Variants in TLN2 observed in about 807,000 individuals in gnomAD.
TLN2 encodes the protein talin-2.
A neutral mutation model predicts 294.7 loss-of-function variants in TLN2; 118 were observed. That is an observed-to-expected ratio of 0.40 (90% CI 0.34 to 0.47). The LOEUF (loss-of-function observed/expected upper bound fraction) is 0.47. TLN2 is among the 20% of genes least tolerant of loss of function. TLN2 has a pLI of 0.84. For missense variants in TLN2, 3,083 were observed against 3,282.2 expected (o/e 0.94, Z 1.48); for synonymous variants, 1,431 against 1,304.5 (o/e 1.10, Z -2.09).
At chr15:62,596,740 C>CAA (rs11345944) in intron 2 of TLN2, among the ~76,000 whole-genome samples, 8 of 135,204 alleles carry the variant, frequency 5.9e-5, no homozygotes, top group South Asian at 2.3e-4. Flanking sequence ...GACTCTGTCT[C>CAA]AAAAAAAAAA....
intron 53 of TLN2, 129 bp downstream of exon 53, chr15:62,819,750 G>T (rs1273918906): frequency 5.5e-6 from 4 of 728,390 alleles, no homozygotes; most frequent in Non-Finnish European, 8.8e-6. Context: ...AATACAGTGA[G>T]GACTTTCTGC....
At chr15:62,670,579 T>A (rs574789545) in intron 9 of TLN2, among the ~76,000 whole-genome samples, 185 of 152,350 alleles carry the variant, frequency 1.2e-3, no homozygotes, top group African/African-American at 4.1e-3. Flanking sequence ...AGTGAAATCA[T>A]ACAACTGTTC....
intron 45 of TLN2, among the ~76,000 whole-genome samples, chr15:62,791,184 TAA>T (rs11389635): frequency 6.9e-6 from 1 of 145,578 alleles, no homozygotes; most frequent in Non-Finnish European, 1.5e-5. Flanking sequence ...CCGTCTCTAC[TAA>T]AAAAAAAAAA....
At position 62,703,069 on chromosome 15, in the gene TLN2, C is replaced by T. The variant is rs115193424; in HGVS notation, c.2004+205C>T. Among the ~76,000 whole-genome samples, 1,455 of 151,094 alleles carry T rather than the reference C, an allele frequency of 9.6e-3. 25 individuals are homozygous for T. Among genetic ancestry groups the T allele is most frequent in the African/African-American group, 0.033 (1,366 of 41,138 alleles). On this transcript the variant is annotated intron_variant, in intron 19 of 58. Coordinates refer to ENST00000636159, the MANE Select transcript of TLN2 (RefSeq NM_015059.3). ...GAAAACTCATTTCACTGCCACCATG[C>T]GTCATCATTGTAAAGCACGTATTTA... is the stretch of plus-strand genomic sequence containing the variant.
At chr15:62,695,445 A>G (rs560303740) in intron 14 of TLN2, among the ~76,000 whole-genome samples, 1 of 152,178 alleles carries the variant, frequency 6.6e-6, no homozygotes, top group African/African-American at 2.4e-5. Flanking sequence ...GGCAGGATCT[A>G]TCTTTCCCAG....
rs562985719 is a variant in TLN2, at chr15:62,693,730, A to G, written c.1216-586A>G. Among the ~76,000 whole-genome samples, 6 of 152,298 alleles carry G rather than the reference A, an allele frequency of 3.9e-5. No homozygotes were observed. In the South Asian group the frequency reaches 1.2e-3, roughly 32 times the overall value. On this transcript the variant is annotated intron_variant, in intron 13 of 58. Transcript: ENST00000636159. Reference sequence around the variant, plus strand: ...GATTTAATAGAATGTTAATATGTGCATCTTGATTTTTTACTATGTAAAATT... The same window carrying G: ...GATTTAATAGAATGTTAATATGTGCGTCTTGATTTTTTACTATGTAAAATT...
At position 62,692,858 on chromosome 15, in the gene TLN2, G is replaced by A. The variant is rs770635709; in HGVS notation, c.1132G>A (p.Glu378Lys). Reference protein sequence around the residue: ...SFTLDFGEYQESYYSVQTTEG... With the variant: ...SFTLDFGEYQKSYYSVQTTEG... ...TTTTCAGGATTTTGGGGAGTATCAG[G>A]AAAGCTACTATTCAGTACAAACCAC... The change falls in exon 13 of 59, where the codon GAA becomes AAA. Residue 378 changes from glutamate to lysine, a missense_variant. Physicochemically the swap from Glu to Lys is moderately conservative, Grantham distance 56 (BLOSUM62 1). Transcript: ENST00000636159. 4 of 1,613,386 alleles carry A rather than the reference G, an allele frequency of 2.5e-6. No homozygotes were observed. The highest frequency in any genetic ancestry group is 3.4e-6 in the Non-Finnish European group (4 of 1,179,766).
chr15:62,670,681 T>C (rs1261960073), intron 9 of TLN2, among the ~76,000 whole-genome samples: 2 of 152,222 alleles, frequency 1.3e-5, no homozygotes, highest in East Asian at 3.8e-4. Context: ...TTCCATTGTA[T>C]GGAGAAACCA....
intron 26 of TLN2, 101 bp from the exon 27 acceptor site, chr15:62,724,875 A>G: frequency 1.4e-6 from 2 of 1,391,994 alleles, no homozygotes; most frequent in Non-Finnish European, 1.9e-6. Context: ...GATTTGGAGA[A>G]TCACTGGGTA....
At chr15:62,658,001 A>G (rs1463342627) in intron 9 of TLN2, 103 bp downstream of exon 9, 30 of 1,141,692 alleles carry the variant, frequency 2.6e-5, no homozygotes, top group East Asian at 1.3e-4. Flanking sequence ...CCTAATTTCA[A>G]TCATTTGTGA....
At chr15:62,408,260 G>C (rs978822054) in intron 1 of TLN2, among the ~76,000 whole-genome samples, 4 of 152,170 alleles carry the variant, frequency 2.6e-5, no homozygotes, top group Non-Finnish European at 4.4e-5. Context: ...TGATTATTAA[G>C]TATTTATTGT....
chr15:62,644,448 T>G (rs1596472470), intron 3 of TLN2: 2 of 455,300 alleles, frequency 4.4e-6, no homozygotes, highest in East Asian at 1.4e-4. Flanking sequence ...TCCCACCCAG[T>G]TCTCTCTCCA....
In TLN2 at chr15:62,698,774, G is replaced by C; in HGVS notation, c.1494G>C (p.Leu498=). 6.2e-7 allele frequency: 1 copy of C among 1,611,334 alleles called. No individual in the cohort carries two copies. The highest frequency in any genetic ancestry group is 8.5e-7 in the Non-Finnish European group (1 of 1,179,938). Residue 498 remains leucine (L), a synonymous_variant, in exon 16 of 59, where the codon CTG becomes CTC. Coordinates refer to ENST00000636159, the MANE Select transcript of TLN2 (RefSeq NM_015059.3). ...TGCAGACCTCAGCCCAGCAGGCCCT[G>C]ATGGGGACCATCAACACAAGCATGC... is the stretch of plus-strand genomic sequence containing the variant. ...MPPLTSAQQA[L]MGTINTSMHA...
chr15:62,647,581 C>G, intron 4 of TLN2, 135 bp downstream of exon 4: 1 of 1,190,724 alleles, frequency 8.4e-7, no homozygotes, highest in Non-Finnish European at 1.2e-6. Context: ...CTTCTTAGAT[C>G]AGACACTACC....
At chr15:62,525,293 A>T (rs961210213) in intron 1 of TLN2, among the ~76,000 whole-genome samples, 3 of 152,240 alleles carry the variant, frequency 2.0e-5, no homozygotes, top group Non-Finnish European at 4.4e-5. Flanking sequence ...GGTGATGTGT[A>T]AAATGTTCTC....
intron 3 of TLN2, among the ~76,000 whole-genome samples, chr15:62,639,238 T>G (rs1238614421): frequency 5.8e-5 from 2 of 34,546 alleles, no homozygotes; most frequent in African/African-American, 1.6e-4. Flanking sequence ...TAGATCTATA[T>G]CTATATCTAT....
chr15:62,507,908 A>T (rs1038755851), intron 1 of TLN2, among the ~76,000 whole-genome samples: 1 of 152,194 alleles, frequency 6.6e-6, no homozygotes, highest in African/African-American at 2.4e-5. Flanking sequence ...ACTGTATGTG[A>T]GATATTCTTT....
chr15:62,695,387 G>T (rs546823164), intron 14 of TLN2, among the ~76,000 whole-genome samples: 4 of 152,148 alleles, frequency 2.6e-5, no homozygotes, highest in Non-Finnish European at 5.9e-5. Context: ...GCCTTGATAA[G>T]ACCCCACAGT....
chr15:62,772,560 G>A (rs757078836), intron 42 of TLN2, among the ~76,000 whole-genome samples: 15 of 152,124 alleles, frequency 9.9e-5, no homozygotes, highest in Non-Finnish European at 1.5e-4. Context: ...TCACTTCTGG[G>A]TTGTCTTTTC....
Sources: allele counts gnomAD v4.1 joint callset (sites outside exome capture counted in the v4.1 genomes callset), GRCh38; gene constraint gnomAD v4.1.1; transcripts MANE v1.5; gene names NCBI Gene and HGNC (gene_info 2026-07-23, HGNC 2026-07-21).